PRDM15: variants seen among roughly 807,000 people sequenced by gnomAD.
PRDM15 encodes PR domain zinc finger protein 15.
A neutral mutation model predicts 128.6 loss-of-function variants in PRDM15; 64 were observed. The ratio of observed to expected loss-of-function variants is 0.50; its 90% confidence interval spans 0.41 to 0.61. PRDM15 has a LOEUF of 0.61. Among genes scored for constraint, PRDM15 ranks in the 20% least tolerant of loss-of-function variants. The probability of loss-of-function intolerance (pLI) is 0.00; values close to 1 mark genes in which losing one functional copy is unlikely to be tolerated. For missense variants in PRDM15, 1,242 were observed against 1,569.1 expected (o/e 0.79, Z 3.52); for synonymous variants, 615 against 621.8 (o/e 0.99, Z 0.16).
chr21:41,814,369 G>C (rs2061969084), intron 19 of PRDM15: 1 of 51,208 alleles, frequency 2.0e-5, no homozygotes, highest in Non-Finnish European at 4.0e-5. Context: ...CCTCGTGTTA[G>C]TGATTGCGCA....
Position 41,879,307 on chromosome 21 carries a change from C to T in PRDM15, c.-47G>A, listed in dbSNP as rs767261498. The T allele has an allele frequency of 1.8e-6, 2 of 1,090,694 alleles. No individual in the cohort carries two copies. The highest frequency in any genetic ancestry group is 2.3e-6 in the Non-Finnish European group (2 of 887,706). The allele number at this position is 1,090,694 out of a possible 1,614,324, so 67.6% of individuals were successfully genotyped here. A position where few individuals can be genotyped will look rare whatever the true frequency, so the allele number is the denominator to read the frequency against. On this transcript the variant is annotated 5_prime_UTR_variant, in exon 1 of 24. Transcript: ENST00000398548. The surrounding 1 kb of genome is among the most constrained non-coding windows in gnomAD (Gnocchi z 5.1). Reference sequence around the variant, plus strand: ...TGTGCAGAGCGGGATCGGATCCGGACTCCGGGTTGCGATCCGCTCCGGAAA... The same window carrying T: ...TGTGCAGAGCGGGATCGGATCCGGATTCCGGGTTGCGATCCGCTCCGGAAA...
chr21:41,816,689 T>C (rs1024574756), intron 18 of PRDM15, among the ~76,000 whole-genome samples: 29 of 152,088 alleles, frequency 1.9e-4, no homozygotes, highest in Admixed American at 1.8e-3. Flanking sequence ...GCCAGAATTC[T>C]AAAGGCCGGG....
intron 1 of PRDM15, among the ~76,000 whole-genome samples, chr21:41,869,141 A>G (rs780413303): frequency 2.6e-5 from 4 of 152,116 alleles, no homozygotes; most frequent in Non-Finnish European, 5.9e-5. Flanking sequence ...CTCCCAGTTT[A>G]AGGGTCTTCT....
intron 6 of PRDM15, among the ~76,000 whole-genome samples, chr21:41,846,789 G>A (rs1351719691): frequency 8.5e-5 from 13 of 152,240 alleles, no homozygotes; most frequent in Non-Finnish European, 5.9e-5. Flanking sequence ...CACATGCCAC[G>A]GCTGGCTCCT....
At position 41,820,213 on chromosome 21, in the gene PRDM15, C is replaced by T. The variant is rs375735630; in HGVS notation, c.2061-39G>A. On this transcript the variant is annotated intron_variant, in intron 16 of 23. Coordinates refer to ENST00000398548, the MANE Select transcript of PRDM15 (RefSeq NM_001040424.3). ...CAAGCTCAGGATGGCCGCACAGCCT[C>T]GGGGCTCCACGGCAGCGAGGGCACT... 9.8e-5 allele frequency: 152 copies of T among 1,552,480 alleles called. No individual in the cohort carries two copies. The African/African-American group carries it at 1.5e-3, about 16-fold the overall frequency.
intron 3 of PRDM15, 49 bp from the exon 4 acceptor site, chr21:41,857,378 G>C (rs570422718): frequency 1.9e-6 from 3 of 1,599,470 alleles, no homozygotes; most frequent in Non-Finnish European, 2.6e-6. Flanking sequence ...CACACCCAGG[G>C]ACCGACTCGT....
At chr21:41,864,094 G>A (rs1242312894) in intron 1 of PRDM15, among the ~76,000 whole-genome samples, 3 of 152,046 alleles carry the variant, frequency 2.0e-5, no homozygotes, top group Admixed American at 6.6e-5. Flanking sequence ...TGCCCACCTC[G>A]GCCTCCCAAA....
At chr21:41,806,076 C>T (rs201286353) in intron 21 of PRDM15, among the ~76,000 whole-genome samples, 1 of 84,402 alleles carries the variant, frequency 1.2e-5, no homozygotes, top group Admixed American at 1.2e-4. Context: ...TCACCACCAC[C>T]ATCACCACCA....
intron 19 of PRDM15, among the ~76,000 whole-genome samples, chr21:41,815,155 T>G: frequency 6.6e-6 from 1 of 151,708 alleles, no homozygotes; most frequent in Non-Finnish European, 1.5e-5. Flanking sequence ...TAGTGTTTTC[T>G]AAGATCTTGG....
Position 41,836,470 on chromosome 21 carries a change from T to C in PRDM15, c.1181A>G (p.His394Arg), listed in dbSNP as rs771849454. 1.2e-6 allele frequency: 2 copies of C among 1,609,584 alleles called. No individual in the cohort carries two copies. The highest frequency in any genetic ancestry group is 2.2e-5 in the East Asian group (1 of 44,720). The change falls in exon 9 of 24, where the codon CAT becomes CGT. Residue 394 changes from histidine to arginine, a missense_variant and splice_region_variant. Coordinates refer to ENST00000398548, the MANE Select transcript of PRDM15 (RefSeq NM_001040424.3). ...SSNLSRHVRS[H>R]GDKLFKCEEC... ...CCAGCCGGGCCTCGCGGACTCACCA[T>C]GCGAGCGCACGTGCCTGCTCAGGTT...
At chr21:41,861,039 A>G (rs2063793100) in intron 1 of PRDM15, among the ~76,000 whole-genome samples, 2 of 151,982 alleles carry the variant, frequency 1.3e-5, no homozygotes, top group South Asian at 4.2e-4. Context: ...GGTGTGATCA[A>G]GGCTCACTGC....
chr21:41,845,929 C>T (rs2063251255), intron 6 of PRDM15, among the ~76,000 whole-genome samples: 1 of 152,138 alleles, frequency 6.6e-6, no homozygotes, highest in South Asian at 2.1e-4. Context: ...CCGGGGCGTG[C>T]TCTGCACAAA....
In PRDM15 at chr21:41,832,929, C is replaced by T. The variant is rs2062746110; in HGVS notation, c.1366+2508G>A. ...GGGTGGCTTCTCCCGCAGCCACCCA[C>T]TCACTGCCAGTTCAGGAACCCACAG... On this transcript the variant is annotated intron_variant, in intron 11 of 23. Coordinates refer to ENST00000398548, the MANE Select transcript of PRDM15 (RefSeq NM_001040424.3). The surrounding 1 kb of genome is among the most constrained non-coding windows in gnomAD (Gnocchi z 4.2). 6.6e-6 allele frequency among the ~76,000 whole-genome samples: 1 copy of T among 152,230 alleles called. No individual in the cohort carries two copies. The highest frequency in any genetic ancestry group is 6.5e-5 in the Admixed American group (1 of 15,282).
chr21:41,859,175 C>T lies in PRDM15; in HGVS notation c.131+417G>A, dbSNP rs755814505. On this transcript the variant is annotated intron_variant, in intron 3 of 23. Transcript: ENST00000398548. This position sits in a 1 kb window ranked among gnomAD's most constrained non-coding sequence, Gnocchi z 5.3. ...GTCAGCCCTGTCCCTGTCCTCATAACCCCGCATCCCCTGCCCCGCCTGGGT... is the reference window on the plus strand; with the variant it reads ...GTCAGCCCTGTCCCTGTCCTCATAATCCCGCATCCCCTGCCCCGCCTGGGT... 3 of 1,613,912 alleles carry T rather than the reference C, an allele frequency of 1.9e-6. No homozygotes were observed. The highest frequency in any genetic ancestry group is 1.7e-6 in the Non-Finnish European group (2 of 1,180,020).
intron 10 of PRDM15, 89 bp from the exon 11 acceptor site, chr21:41,835,613 G>C: frequency 9.8e-7 from 1 of 1,022,500 alleles, no homozygotes; most frequent in East Asian, 2.5e-5. Context: ...GCGACTCCAC[G>C]CCTGTGTCTG....
At chr21:41,861,677 C>T in intron 1 of PRDM15, 1 of 1,614,130 alleles carries the variant, frequency 6.2e-7, no homozygotes. Context: ...CCCCGCTCAT[C>T]CCCAGCAGCT....
At position 41,810,965 on chromosome 21, in the gene PRDM15, A is replaced by G. The variant is rs1308750182; in HGVS notation, c.2393-129T>C. 1.3e-6 allele frequency: 1 copy of G among 766,502 alleles called. No individual in the cohort carries two copies. Among genetic ancestry groups the G allele is most frequent in the Non-Finnish European group, 2.2e-6 (1 of 450,058 alleles). The allele number at this position is 766,502 out of a possible 1,614,324, so 47.5% of individuals were successfully genotyped here. A position where few individuals can be genotyped will look rare whatever the true frequency, so the allele number is the denominator to read the frequency against. On this transcript the variant is annotated intron_variant, in intron 19 of 23. Coordinates refer to ENST00000398548, the MANE Select transcript of PRDM15 (RefSeq NM_001040424.3). The surrounding 1 kb of genome is among the most constrained non-coding windows in gnomAD (Gnocchi z 6.4). Reference sequence around the variant, plus strand: ...AGGAGAAGGTGAATTGCAAGAAGACAGCAGACAATGAACGCTCATCCCCAG... The same window carrying G: ...AGGAGAAGGTGAATTGCAAGAAGACGGCAGACAATGAACGCTCATCCCCAG...
chr21:41,868,411 C>A (rs934241666), intron 1 of PRDM15, among the ~76,000 whole-genome samples: 9 of 152,062 alleles, frequency 5.9e-5, no homozygotes, highest in Admixed American at 5.9e-4. Context: ...AACTGACAGG[C>A]TGTTTTCCAG....
At chr21:41,868,684 TTTTC>T (rs200054181) in intron 1 of PRDM15, among the ~76,000 whole-genome samples, 1,533 of 108,162 alleles carry the variant, frequency 0.014, 22 homozygotes, top group African/African-American at 0.049. Context: ...CCATTTTCCT[TTTTC>T]TTTTTCTTTT....
Sources: allele counts gnomAD v4.1 joint callset (sites outside exome capture counted in the v4.1 genomes callset), GRCh38; gene constraint gnomAD v4.1.1; non-coding constraint Gnocchi (gnomAD v3.1); transcripts MANE v1.5; gene names NCBI Gene and HGNC (gene_info 2026-07-23, HGNC 2026-07-21).